Variants in CBLB observed in about 807,000 individuals in gnomAD.
CBLB encodes Cbl proto-oncogene B.
In CBLB, 31 loss-of-function variants were observed where a neutral mutation model predicts 104.9. That is an observed-to-expected ratio of 0.30 (90% confidence interval 0.22 to 0.40). The LOEUF is 0.40. CBLB is among the 10% of genes least tolerant of loss of function. CBLB has a pLI of 1.00. For missense variants in CBLB, 1,062 were observed against 1,214.6 expected (o/e 0.87, Z 1.87); for synonymous variants, 440 against 422.6 (o/e 1.04, Z -0.51).
intron 10 of CBLB, among the ~76,000 whole-genome samples, chr3:105,712,336 T>C (rs1195989133): frequency 6.6e-6 from 1 of 152,222 alleles, no homozygotes; most frequent in African/African-American, 2.4e-5. Context: ...AAATGTGTCA[T>C]GTTGACTACA....
At chr3:105,833,945 T>A (rs904700765) in intron 3 of CBLB, among the ~76,000 whole-genome samples, 16 of 152,090 alleles carry the variant, frequency 1.1e-4, no homozygotes, top group African/African-American at 3.4e-4. Context: ...TTTCCAGACC[T>A]TAAGGTTGTC....
intron 9 of CBLB, among the ~76,000 whole-genome samples, chr3:105,725,771 T>C (rs1203956768): frequency 6.6e-6 from 1 of 152,218 alleles, no homozygotes; most frequent in East Asian, 1.9e-4. Context: ...ACCTAAGTTA[T>C]AAAATTTCAC....
At chr3:105,856,511 T>C (rs2091635984) in intron 2 of CBLB, among the ~76,000 whole-genome samples, 1 of 152,134 alleles carries the variant, frequency 6.6e-6, no homozygotes, top group African/African-American at 2.4e-5. Context: ...TGATCTTATA[T>C]TCTTCCTCTT....
rs148363178 is a variant in CBLB at position 105,672,232 on chromosome 3, T to C, written c.2570-1880A>G. 937 of 185,568 alleles carry C rather than the reference T, an allele frequency of 5.0e-3. 10 individuals are homozygous for C. Among genetic ancestry groups the C allele is most frequent in the African/African-American group, 0.021 (889 of 42,824 alleles). 11.5% of individuals were successfully genotyped at this position (185,568 alleles called of 1,614,324 possible). On this transcript the variant is annotated intron_variant, in intron 17 of 18. Transcript: ENST00000394030. The stretch of plus-strand genomic sequence containing the variant: ...AAACTCTGGATACACTTCAGAGCCA[T>C]ACATAGACTATAAAATATACCACTG...
At chr3:105,671,412 T>C (rs998923990) in intron 17 of CBLB, 5 of 216,398 alleles carry the variant, frequency 2.3e-5, no homozygotes, top group Admixed American at 1.2e-4. Flanking sequence ...AAATCAAACA[T>C]AGCACCTAGA....
At chr3:105,715,221 C>T (rs2071682636) in intron 10 of CBLB, among the ~76,000 whole-genome samples, 1 of 152,146 alleles carries the variant, frequency 6.6e-6, no homozygotes, top group African/African-American at 2.4e-5. Context: ...TGGACTTTGT[C>T]TGAGGGCTCA....
Position 105,659,162 on chromosome 3 carries a change from G to A in CBLB, c.2757C>T (p.His919=), listed in dbSNP as rs1386367326. 6.2e-7 allele frequency: 1 copy of A among 1,613,898 alleles called. No individual in the cohort carries two copies. The highest frequency in any genetic ancestry group is 1.3e-5 in the African/African-American group (1 of 74,914). ...RPRRTAPEIH[H]RKPHGPEAAL... Reference sequence around the variant, plus strand: ...CCGCCTCAGGCCCATGGGGTTTTCTGTGGTGAATTTCTGGTGCAGTCCTGC... The same window carrying A: ...CCGCCTCAGGCCCATGGGGTTTTCTATGGTGAATTTCTGGTGCAGTCCTGC... Residue 919 remains histidine (H), a synonymous_variant, in exon 19 of 19, where the codon CAC becomes CAT. Coordinates refer to ENST00000394030, the MANE Select transcript of CBLB (RefSeq NM_170662.5).
At chr3:105,829,703 C>CAAAAAAAAAAAAAAAAAAAAA (rs1553844797) in intron 3 of CBLB, among the ~76,000 whole-genome samples, 1 of 60,104 alleles carries the variant, frequency 1.7e-5, no homozygotes, top group African/African-American at 5.4e-5. Context: ...AAAAAAAAAC[C>CAAAAAAAAAAAAAAAAAAAAA]AAACTGCAGC....
At chr3:105,796,467 A>G (rs759927963) in intron 3 of CBLB, among the ~76,000 whole-genome samples, 8 of 152,218 alleles carry the variant, frequency 5.3e-5, no homozygotes, top group Non-Finnish European at 1.0e-4. Flanking sequence ...ACTTAAATGT[A>G]AAACCCAAAA....
At chr3:105,844,733 A>G (rs1169102113) in intron 3 of CBLB, among the ~76,000 whole-genome samples, 1 of 152,168 alleles carries the variant, frequency 6.6e-6, no homozygotes, top group Non-Finnish European at 1.5e-5. Context: ...ACCCTACCCA[A>G]TTAGCACTGA....
At chr3:105,869,232 A>C, upstream of CBLB, 1 of 655,024 alleles carries the variant, frequency 1.5e-6, no homozygotes, top group Middle Eastern at 2.8e-4. Flanking sequence ...CACGTCAGAA[A>C]GGAATTGGAC....
chr3:105,819,395 G>C (rs2085504849), intron 3 of CBLB, among the ~76,000 whole-genome samples: 1 of 151,916 alleles, frequency 6.6e-6, no homozygotes, highest in South Asian at 2.1e-4. Flanking sequence ...GCTGAGGCAG[G>C]AGAATCACTT....
chr3:105,789,971 T>A (rs556092078), intron 3 of CBLB, among the ~76,000 whole-genome samples: 1 of 152,284 alleles, frequency 6.6e-6, no homozygotes, highest in South Asian at 2.1e-4. Context: ...TTAAAAATAT[T>A]GCTTAACAGA....
At chr3:105,868,641 T>C (rs1296445164) in intron 1 of CBLB, 95 bp downstream of exon 1, 2 of 810,712 alleles carry the variant, frequency 2.5e-6, no homozygotes, top group Non-Finnish European at 3.0e-6. Flanking sequence ...GAGCCAGGGC[T>C]GTCCCCTCTT....
intron 3 of CBLB, among the ~76,000 whole-genome samples, chr3:105,851,519 A>G (rs1398615609): frequency 6.6e-6 from 1 of 152,216 alleles, no homozygotes; most frequent in Admixed American, 6.5e-5. Flanking sequence ...ACCCTAATGT[A>G]AACTCTAGGC....
intron 3 of CBLB, among the ~76,000 whole-genome samples, chr3:105,834,834 C>T (rs1449876001): frequency 6.6e-6 from 1 of 152,082 alleles, no homozygotes; most frequent in Non-Finnish European, 1.5e-5. Context: ...CCTGCTTTTA[C>T]CTTGCTGTAT....
chr3:105,678,604 G>T, intron 16 of CBLB, 33 bp from the exon 17 acceptor site: 2 of 1,598,008 alleles, frequency 1.3e-6, no homozygotes, highest in Non-Finnish European at 1.7e-6. Flanking sequence ...ATCAGCAGCA[G>T]AACTTCATTA....
intron 9 of CBLB, among the ~76,000 whole-genome samples, chr3:105,733,356 CAAAA>C (rs1171217619): frequency 1.4e-5 from 1 of 70,988 alleles, no homozygotes. Context: ...GACTCTGTCT[CAAAA>C]AAAAAAAAAA....
chr3:105,660,184 C>T (rs1390002088), intron 18 of CBLB, among the ~76,000 whole-genome samples: 1 of 152,116 alleles, frequency 6.6e-6, no homozygotes, highest in African/African-American at 2.4e-5. Context: ...CACACATACA[C>T]ACACTATACG....
Sources: allele counts gnomAD v4.1 joint callset (sites outside exome capture counted in the v4.1 genomes callset), GRCh38; gene constraint gnomAD v4.1.1; transcripts MANE v1.5; gene names NCBI Gene and HGNC (gene_info 2026-07-23, HGNC 2026-07-21).